ERBB4: variants seen among roughly 807,000 people sequenced by gnomAD.
The protein encoded by ERBB4 is receptor tyrosine-protein kinase erbB-4.
Under a neutral mutation model 158.0 loss-of-function variants are expected in ERBB4, and 42 were observed. The ratio of observed to expected loss-of-function variants is 0.27; its 90% CI spans 0.21 to 0.34. ERBB4 has a LOEUF of 0.34. ERBB4 is among the 10% of genes least tolerant of loss of function. The pLI is 1.00. For missense variants in ERBB4, 1,333 were observed against 1,624.1 expected, an observed-to-expected ratio of 0.82 and a Z score of 3.08; for synonymous variants, 583 against 558.7, an observed-to-expected ratio of 1.04 and a Z score of -0.61.
chr2:212,469,080 T>C (rs538730143), intron 1 of ERBB4, among the ~76,000 whole-genome samples: 3 of 152,230 alleles, frequency 2.0e-5, no homozygotes, highest in Admixed American at 2.0e-4. Flanking sequence ...AAATCAAATA[T>C]CCAAGAAATA....
chr2:211,837,719 A>T (rs2077372689), intron 3 of ERBB4, among the ~76,000 whole-genome samples: 2 of 152,120 alleles, frequency 1.3e-5, no homozygotes, highest in African/African-American at 4.8e-5. Flanking sequence ...TGAATAAAAA[A>T]TACACATAAA....
chr2:212,336,045 C>T lies in ERBB4; in HGVS notation c.82+202404G>A, dbSNP rs192438727. Among the ~76,000 whole-genome samples, 117 of 152,124 alleles carry T rather than the reference C, an allele frequency of 7.7e-4. No individual in the cohort carries two copies. The South Asian group carries it at 9.7e-3, about 13-fold the overall frequency. On this transcript the variant is annotated intron_variant, in intron 1 of 27. Coordinates refer to ENST00000342788, the MANE Select transcript of ERBB4 (RefSeq NM_005235.3). ...AATAAAGTATGTAGCATTTCTCACA[C>T]TGCTCCAGTTTTTAAGCAAGCACTG...
chr2:211,911,785 C>A (rs368842409), intron 3 of ERBB4, among the ~76,000 whole-genome samples: 1 of 149,638 alleles, frequency 6.7e-6, no homozygotes. Context: ...TCAAAGGTTA[C>A]AAATTTCAGT....
At chr2:211,987,354 C>A (rs112484492) in intron 2 of ERBB4, among the ~76,000 whole-genome samples, 16,455 of 98,358 alleles carry the variant, frequency 0.17, 1,123 homozygotes, top group Non-Finnish European at 0.23. Context: ...AGAAAGAAAT[C>A]TATCACCCAT....
intron 19 of ERBB4, among the ~76,000 whole-genome samples, chr2:211,580,883 ATATAT>A (rs1559317770): frequency 0.15 from 555 of 3,608 alleles, 88 homozygotes; most frequent in African/African-American, 0.38. Context: ...ATATATATAT[ATATAT>A]ATATATATAT....
At chr2:212,458,146 C>G (rs1385381793) in intron 1 of ERBB4, among the ~76,000 whole-genome samples, 2 of 151,970 alleles carry the variant, frequency 1.3e-5, no homozygotes, top group South Asian at 4.1e-4. Context: ...TTGCCATTTG[C>G]TGAGCATGTA....
At chr2:211,798,200 C>T (rs1024723945) in intron 3 of ERBB4, among the ~76,000 whole-genome samples, 3 of 151,968 alleles carry the variant, frequency 2.0e-5, no homozygotes, top group African/African-American at 7.2e-5. Flanking sequence ...CTGACTTCTA[C>T]CACAACAAAT....
chr2:212,503,071 G>C (rs1003329774), intron 1 of ERBB4, among the ~76,000 whole-genome samples: 1 of 152,090 alleles, frequency 6.6e-6, no homozygotes, highest in Non-Finnish European at 1.5e-5. Context: ...TCCCCCATTT[G>C]GCCTCAGACT....
intron 2 of ERBB4, among the ~76,000 whole-genome samples, chr2:212,035,731 A>C (rs770887308): frequency 2.0e-5 from 3 of 152,194 alleles, no homozygotes; most frequent in Non-Finnish European, 2.9e-5. Flanking sequence ...AATCTTCAGA[A>C]TCTAACAGTC....
chr2:212,451,625 GT>G (rs1434119527), intron 1 of ERBB4, among the ~76,000 whole-genome samples: 3 of 152,202 alleles, frequency 2.0e-5, no homozygotes, highest in Non-Finnish European at 2.9e-5. Flanking sequence ...CTTTAATAGT[GT>G]TTTTTAATAA....
intron 20 of ERBB4, among the ~76,000 whole-genome samples, chr2:211,482,529 C>A (rs1475270012): frequency 6.6e-6 from 1 of 152,050 alleles, no homozygotes; most frequent in East Asian, 1.9e-4. Context: ...TTCAACAAGT[C>A]AAAATTCATA....
At chr2:211,944,177 C>CTATATATATATATAGTGTATATATA (rs1559154451) in intron 3 of ERBB4, among the ~76,000 whole-genome samples, 1 of 38,584 alleles carries the variant, frequency 2.6e-5, no homozygotes, top group Non-Finnish European at 5.6e-5. Flanking sequence ...TATATATATA[C>CTATATATATATATAGTGTATATATA]TATATATATA....
At chr2:212,165,311 A>T (rs561944263) in intron 1 of ERBB4, among the ~76,000 whole-genome samples, 24 of 150,908 alleles carry the variant, frequency 1.6e-4, no homozygotes, top group South Asian at 1.3e-3. Context: ...TTTTTGCATT[A>T]ATATATATAT....
chr2:212,435,315 C>T (rs1321514368), intron 1 of ERBB4, among the ~76,000 whole-genome samples: 1 of 151,946 alleles, frequency 6.6e-6, no homozygotes, highest in Non-Finnish European at 1.5e-5. Context: ...AAGGGAATAT[C>T]AACGGAGTTG....
At chr2:211,862,230 T>C (rs1325709631) in intron 3 of ERBB4, among the ~76,000 whole-genome samples, 1 of 152,188 alleles carries the variant, frequency 6.6e-6, no homozygotes, top group East Asian at 1.9e-4. Flanking sequence ...ATTTTTAACA[T>C]ATTTATCGGC....
intron 20 of ERBB4, 78 bp from the exon 21 acceptor site, chr2:211,431,178 C>G: frequency 7.3e-7 from 1 of 1,379,066 alleles, no homozygotes; most frequent in Non-Finnish European, 1.0e-6. Context: ...AGTTTCTTAG[C>G]CTTCAGTTGG....
At chr2:211,484,603 C>T (rs550772244) in intron 20 of ERBB4, among the ~76,000 whole-genome samples, 1 of 152,152 alleles carries the variant, frequency 6.6e-6, no homozygotes, top group African/African-American at 2.4e-5. Context: ...AAAATATTAC[C>T]ATGAATAAAA....
intron 2 of ERBB4, among the ~76,000 whole-genome samples, chr2:212,075,998 T>G (rs1162200360): frequency 6.6e-6 from 1 of 151,948 alleles, no homozygotes; most frequent in East Asian, 1.9e-4. Context: ...GAATTTTAAT[T>G]TTATTCTGCC....
At chr2:211,707,894 C>T (rs1460692373) in intron 9 of ERBB4, among the ~76,000 whole-genome samples, 2 of 152,014 alleles carry the variant, frequency 1.3e-5, no homozygotes, top group Admixed American at 6.6e-5. Context: ...AGCGTAACAA[C>T]CTCATTAAAT....
Sources: allele counts gnomAD v4.1 joint callset (sites outside exome capture counted in the v4.1 genomes callset), GRCh38; gene constraint gnomAD v4.1.1; transcripts MANE v1.5; gene names NCBI Gene and HGNC (gene_info 2026-07-23, HGNC 2026-07-21).